The following SH3GL1 variants were observed in gnomAD, a reference collection of about 807,000 sequenced individuals.
SH3GL1 encodes the protein SH3 domain containing GRB2 like 1, endophilin A2.
In SH3GL1, 21 loss-of-function variants were observed where a neutral mutation model predicts 48.8. That is an observed-to-expected ratio of 0.43 (90% confidence interval 0.30 to 0.62). SH3GL1 has a LOEUF of 0.62. Ranked by LOEUF, SH3GL1 falls within the 20% of genes least tolerant of loss-of-function variation. The pLI is 0.11. For missense variants in SH3GL1, 454 were observed against 503.0 expected (o/e 0.90, Z 0.93); for synonymous variants, 282 against 217.5 (o/e 1.30, Z -2.61).
chr19:4,386,887 G>A (rs1266382596), intron 1 of SH3GL1, among the ~76,000 whole-genome samples: 2 of 152,226 alleles, frequency 1.3e-5, no homozygotes, highest in African/African-American at 4.8e-5. Context: ...CATAAGGCAC[G>A]TGAATCACGT....
At chr19:4,362,303 G>A (rs1234202269) in intron 9 of SH3GL1, 26 bp downstream of exon 9, 2 of 1,606,940 alleles carry the variant, frequency 1.2e-6, no homozygotes, top group Non-Finnish European at 1.7e-6. Context: ...CAGCACTGAG[G>A]TCGAGGCGGG....
At chr19:4,365,366 T>TG (rs1972751463) in intron 4 of SH3GL1, 116 bp downstream of exon 4, 1 of 1,382,636 alleles carries the variant, frequency 7.2e-7, no homozygotes, top group Non-Finnish European at 1.0e-6. Flanking sequence ...TGGAAAGCTG[T>TG]GGGGGCCACT....
chr19:4,390,098 G>T (rs575201828), intron 1 of SH3GL1: 1 of 152,388 alleles, frequency 6.6e-6, no homozygotes, highest in South Asian at 2.1e-4. Flanking sequence ...CCTCCCAGGC[G>T]GTCAGTGGGC....
intron 1 of SH3GL1, among the ~76,000 whole-genome samples, chr19:4,398,087 A>G (rs1973456026): frequency 6.6e-6 from 1 of 151,702 alleles, no homozygotes; most frequent in Non-Finnish European, 1.5e-5. Flanking sequence ...ACTCAAGGGA[A>G]CCCCTGCCTC....
chr19:4,377,848 C>T (rs1320580764), intron 1 of SH3GL1, among the ~76,000 whole-genome samples: 3 of 152,224 alleles, frequency 2.0e-5, no homozygotes, highest in Non-Finnish European at 2.9e-5. Context: ...CCCGAGTCCC[C>T]CCACCATCTC....
chr19:4,372,818 C>A (rs1490803744), intron 1 of SH3GL1, among the ~76,000 whole-genome samples: 2 of 152,222 alleles, frequency 1.3e-5, no homozygotes, highest in Non-Finnish European at 2.9e-5. Context: ...TGTGGGCTCC[C>A]AGGCTCCTGG....
intron 1 of SH3GL1, among the ~76,000 whole-genome samples, chr19:4,368,428 T>C (rs1248614335): frequency 2.6e-5 from 4 of 152,072 alleles, no homozygotes; most frequent in Non-Finnish European, 5.9e-5. Flanking sequence ...TGCCTGGAGG[T>C]CACAGCCCAA....
chr19:4,366,709 A>G (rs1972788763), intron 2 of SH3GL1, 136 bp from the exon 3 acceptor site: 1 of 966,860 alleles, frequency 1.0e-6, no homozygotes, highest in Non-Finnish European at 1.6e-6. Context: ...TCTTCAGCTC[A>G]GCCATGTCCC....
At chr19:4,388,236 A>C (rs917383714) in intron 1 of SH3GL1, among the ~76,000 whole-genome samples, 4 of 152,192 alleles carry the variant, frequency 2.6e-5, no homozygotes, top group Non-Finnish European at 5.9e-5. Context: ...ATAAAATAAA[A>C]GTAATTTAAG....
At chr19:4,381,758 T>A (rs1973137768) in intron 1 of SH3GL1, among the ~76,000 whole-genome samples, 1 of 136,260 alleles carries the variant, frequency 7.3e-6, no homozygotes, top group African/African-American at 2.8e-5. Flanking sequence ...AGTGGCGCGA[T>A]CTTGGCTCAC....
At position 4,362,333 on chromosome 19, in the gene SH3GL1, G is replaced by C. The variant is rs778065764; in HGVS notation, c.906C>G (p.Ser302Arg). The C allele has an allele frequency of 2.4e-5, 38 of 1,611,580 alleles. No individual in the cohort carries two copies. The highest frequency in any genetic ancestry group is 2.0e-4 in the Admixed American group (12 of 59,698). The change falls in exon 9 of 10, where the codon AGC (serine) becomes AGG (arginine). Residue 302 changes from serine (S) to arginine (R), a missense_variant. Around this residue, in one of 2 missense-constraint regions of SH3GL1, gnomAD observed 278 missense variants for 246.8 expected, o/e 1.13. Coordinates refer to ENST00000269886, the MANE Select transcript of SH3GL1 (RefSeq NM_003025.4). ...SDKPIRTPSR[S>R]MPPLDQPSCK... ...GGCGGGCCTGGGAACACTCACGCAT[G>C]CTCCGGCTAGGGGTCCGGATGGGCT...
rs376342224 is a variant in SH3GL1 at position 4,362,711 on chromosome 19, T to C, written c.754A>G (p.Lys252Glu). ...RRMREASSRP[K>E]REYKPKPREP... ...CGGGGCTTGGGCTTATACTCCCGCT[T>C]AGGGCGTGAGGAAGCTTCCCGCATC... Residue 252 changes from lysine to glutamate, a missense_variant, in exon 8 of 10, where the codon AAG becomes GAG. Lys to Glu is a moderately conservative substitution (Grantham distance 56). Coordinates refer to ENST00000269886, the MANE Select transcript of SH3GL1 (RefSeq NM_003025.4). 1.8e-5 allele frequency: 29 copies of C among 1,613,878 alleles called. No homozygotes were observed. Among genetic ancestry groups the C allele is most frequent in the Non-Finnish European group, 2.4e-5 (28 of 1,180,018 alleles).
chr19:4,377,621 G>A (rs557330720), intron 1 of SH3GL1, among the ~76,000 whole-genome samples: 9 of 152,326 alleles, frequency 5.9e-5, no homozygotes, highest in Admixed American at 3.3e-4. Context: ...CTGTGCACTG[G>A]GGCCCTCTGC....
At chr19:4,362,078 C>T (rs1261016159) in intron 9 of SH3GL1, among the ~76,000 whole-genome samples, 3 of 152,226 alleles carry the variant, frequency 2.0e-5, no homozygotes, top group Non-Finnish European at 4.4e-5. Flanking sequence ...CAGATGCCCT[C>T]AAGCCCTTGT....
intron 1 of SH3GL1, among the ~76,000 whole-genome samples, chr19:4,399,058 G>C (rs983256000): frequency 6.6e-6 from 1 of 152,162 alleles, no homozygotes; most frequent in Non-Finnish European, 1.5e-5. Flanking sequence ...GGTGGCTTAC[G>C]TCGATAATCC....
intron 1 of SH3GL1, among the ~76,000 whole-genome samples, chr19:4,399,952 T>C (rs1973492406): frequency 6.6e-6 from 1 of 152,162 alleles, no homozygotes; most frequent in Non-Finnish European, 1.5e-5. Flanking sequence ...GACGCAACTT[T>C]TCCCTGGCTC....
chr19:4,399,633 G>A (rs1011382082), intron 1 of SH3GL1, among the ~76,000 whole-genome samples: 2 of 141,596 alleles, frequency 1.4e-5, no homozygotes, highest in African/African-American at 5.3e-5. Flanking sequence ...GCCCCACCAC[G>A]GAGAACAATC....
chr19:4,378,407 T>C (rs778356468), intron 1 of SH3GL1, among the ~76,000 whole-genome samples: 6 of 151,984 alleles, frequency 3.9e-5, no homozygotes, highest in Non-Finnish European at 4.4e-5. Context: ...CAGGCGTGGA[T>C]GTGCTTTAGA....
In SH3GL1 at chr19:4,376,168, C is replaced by T. The variant is rs1474107919; in HGVS notation, c.46-9174G>A. 2.0e-5 allele frequency among the ~76,000 whole-genome samples: 3 copies of T among 152,210 alleles called. No homozygotes were observed. The highest frequency in any genetic ancestry group is 4.4e-5 in the Non-Finnish European group (3 of 68,036). On this transcript the variant is annotated intron_variant, in intron 1 of 9. Transcript: ENST00000269886. The surrounding 1 kb of genome is among the most constrained non-coding windows in gnomAD (Gnocchi z 4.3). ...ACTTGCCCGAAAGCCCAGAGCCCTT[C>T]CTGAGACACAGAAACCATCTTCACC... is the stretch of plus-strand genomic sequence containing the variant.
Sources: allele counts gnomAD v4.1 joint callset (sites outside exome capture counted in the v4.1 genomes callset), GRCh38; gene constraint gnomAD v4.1.1; regional missense constraint gnomAD v4.1.1; non-coding constraint Gnocchi (gnomAD v3.1); transcripts MANE v1.5; gene names NCBI Gene and HGNC (gene_info 2026-07-23, HGNC 2026-07-21).